CYP3A5: variants seen among roughly 807,000 people sequenced by gnomAD.
CYP3A5 encodes the protein cytochrome P450 family 3 subfamily A member 5, also known as cytochrome P450 3A5.
CYP3A5 carries 51 observed loss-of-function variants against 55.9 expected under a neutral mutation model. The ratio of observed to expected loss-of-function variants is 0.91; its 90% CI spans 0.73 to 1.15. CYP3A5 has a LOEUF of 1.15. CYP3A5 is among the 50% of genes most tolerant of loss of function. CYP3A5 has a pLI of 0.00. For synonymous variants in CYP3A5, 196 were observed against 213.9 expected, an observed-to-expected ratio of 0.92 and a Z score of 0.73; for missense variants, 533 against 596.6, an observed-to-expected ratio of 0.89 and a Z score of 1.11.
At chr7:99,660,338 T>C (rs2151396968) in intron 10 of CYP3A5, 161 bp downstream of exon 10, 1 of 1,313,938 alleles carries the variant, frequency 7.6e-7, no homozygotes, top group Non-Finnish European at 9.7e-7. Flanking sequence ...AACCGTTCTC[T>C]ATGTTTCTCC....
intron 1 of CYP3A5, chr7:99,676,684 G>A (rs1483801016): frequency 8.3e-6 from 5 of 605,518 alleles, no homozygotes; most frequent in Non-Finnish European, 8.6e-6. Flanking sequence ...TGGTGACACT[G>A]CCCTTACAAT....
chr7:99,679,990 G>C lies in CYP3A5; in HGVS notation c.-94C>G, dbSNP rs1382794304. The C allele has an allele frequency of 4.7e-6, 5 of 1,073,526 alleles. No homozygotes were observed. Among genetic ancestry groups the C allele is most frequent in the Non-Finnish European group, 5.8e-6 (4 of 690,322 alleles). The allele number at this position is 1,073,526 out of a possible 1,614,324, so 66.5% of individuals were successfully genotyped here. On this transcript the variant is annotated 5_prime_UTR_variant, in exon 1 of 13. Coordinates refer to ENST00000222982, the MANE Select transcript of CYP3A5 (RefSeq NM_000777.5). ...TGTTTGCCTGGAGCTTCCCTGCCCT[G>C]CACAGCAGTCTTCAGCCAAGCTGCT...
intron 10 of CYP3A5, chr7:99,658,736 G>A (rs1810052285): frequency 6.6e-6 from 1 of 152,004 alleles, no homozygotes; most frequent in Non-Finnish European, 1.5e-5. Context: ...ACGTAGATTT[G>A]GTCTTTTCAC....
At chr7:99,663,436 A>G in intron 8 of CYP3A5, 1 of 990,124 alleles carries the variant, frequency 1.0e-6, no homozygotes, top group Non-Finnish European at 1.2e-6. Context: ...TCGTGAAGGC[A>G]AAGCTGAGTT....
At chr7:99,663,838 G>A (rs1173668261) in intron 8 of CYP3A5, 130 bp downstream of exon 8, 1 of 1,373,190 alleles carries the variant, frequency 7.3e-7, no homozygotes, top group Non-Finnish European at 9.4e-7. Flanking sequence ...TCTACCAAAT[G>A]GCTTCTCTTG....
Position 99,665,162 on chromosome 7 carries a change from A to T in CYP3A5, c.670+4T>A. 2 of 1,602,874 alleles carry T rather than the reference A, an allele frequency of 1.2e-6. No homozygotes were observed. The highest frequency in any genetic ancestry group is 1.7e-6 in the Non-Finnish European group (2 of 1,172,130). On this transcript the variant is annotated splice_donor_region_variant and intron_variant, in intron 7 of 12. Transcript: ENST00000222982. ...AAGAGAGAAAGAAATAATAGCCCAC[A>T]TACTTATTGAGAGAAATAATGGATC...
At chr7:99,669,044 A>G (rs1447218382) in intron 4 of CYP3A5, among the ~76,000 whole-genome samples, 1 of 152,230 alleles carries the variant, frequency 6.6e-6, no homozygotes, top group Non-Finnish European at 1.5e-5. Flanking sequence ...GTTAATTTCC[A>G]TAATAAAAGT....
intron 10 of CYP3A5, among the ~76,000 whole-genome samples, chr7:99,656,409 C>A (rs1485237390): frequency 6.6e-6 from 1 of 152,190 alleles, no homozygotes; most frequent in Non-Finnish European, 1.5e-5. Flanking sequence ...GTTGAACCAG[C>A]CTTGCATCCC....
chr7:99,668,108 AAACAAAATTATTCACATTTCTATGT>A (rs1811218210), intron 4 of CYP3A5, among the ~76,000 whole-genome samples: 1 of 152,228 alleles, frequency 6.6e-6, no homozygotes. Flanking sequence ...CAAGATCAAC[AAACAAAATTATTCACATTTCTATGT>A]AACAATAATC....
rs13233803 is a variant in CYP3A5, at chr7:99,648,330, C to G, written c.1484G>C (p.Arg495Thr). 2.5e-6 allele frequency: 4 copies of G among 1,613,092 alleles called. No homozygotes were observed. The highest frequency in any genetic ancestry group is 3.4e-6 in the Non-Finnish European group (4 of 1,179,328). Residue 495 changes from arginine to threonine, a missense_variant, in exon 13 of 13, where the codon AGA (arginine) becomes ACA (threonine). By Grantham distance (71) the Arg-to-Thr change is moderately conservative (BLOSUM62 -1). Transcript: ENST00000222982. ...TCATTCTCCACTTAGGGTTCCATCT[C>G]TTGAATCCACCTTTAGAACAATGGG... Reference protein sequence around the residue: ...EKPIVLKVDSRDGTLSGE With the variant: ...EKPIVLKVDSTDGTLSGE
intron 10 of CYP3A5, chr7:99,659,130 G>C (rs555764859): frequency 6.6e-6 from 1 of 152,258 alleles, no homozygotes; most frequent in Non-Finnish European, 1.5e-5. Context: ...GCGGAGCTGC[G>C]TTCCTTTGGA....
intron 1 of CYP3A5, chr7:99,677,187 G>A: frequency 3.0e-6 from 3 of 985,402 alleles, no homozygotes; most frequent in Non-Finnish European, 3.6e-6. Context: ...CCAACTGATG[G>A]TTCTGGATCC....
intron 1 of CYP3A5, among the ~76,000 whole-genome samples, chr7:99,678,934 A>G (rs1812553058): frequency 1.3e-5 from 2 of 152,194 alleles, no homozygotes; most frequent in African/African-American, 4.8e-5. Flanking sequence ...GATGCCAGGA[A>G]TCCCACCAGT....
chr7:99,657,272 G>A (rs1179374979), intron 10 of CYP3A5, among the ~76,000 whole-genome samples: 1 of 152,130 alleles, frequency 6.6e-6, no homozygotes, highest in African/African-American at 2.4e-5. Context: ...CAGAGATTCT[G>A]GTATGTTGTG....
chr7:99,679,809 T>C lies in CYP3A5; in HGVS notation c.71+17A>G, dbSNP rs113735665. ...AAGTCCAAGGAAACAAAGAGAGGAG[T>C]TTGGACAGTTACTCACAGATAGAGG... On this transcript the variant is annotated intron_variant, in intron 1 of 12. Coordinates refer to ENST00000222982, the MANE Select transcript of CYP3A5 (RefSeq NM_000777.5). 59 of 1,613,100 alleles carry C rather than the reference T, an allele frequency of 3.7e-5. No homozygotes were observed. The African/African-American group carries it at 4.4e-4, about 12-fold the overall frequency.
Position 99,662,898 on chromosome 7 carries a change from G to T in CYP3A5, c.799-16C>A. On this transcript the variant is annotated splice_polypyrimidine_tract_variant and intron_variant, in intron 8 of 12. Coordinates refer to ENST00000222982, the MANE Select transcript of CYP3A5 (RefSeq NM_000777.5). This position sits in a 1 kb window ranked among gnomAD's most constrained non-coding sequence, Gnocchi z 4.3. ...CTAGTCGGTGCTAGAAGCAAAAGGA[G>T]AGATTTCTTTGGCAGAAAGTGACTC... 2 of 1,613,450 alleles carry T rather than the reference G, an allele frequency of 1.2e-6. No individual in the cohort carries two copies. Among genetic ancestry groups the T allele is most frequent in the African/African-American group, 2.7e-5 (2 of 75,024 alleles).
chr7:99,650,831 T>A (rs1387108432), intron 11 of CYP3A5, among the ~76,000 whole-genome samples: 1 of 152,150 alleles, frequency 6.6e-6, no homozygotes, highest in Non-Finnish European at 1.5e-5. Context: ...CAGGATAGTT[T>A]AAGTCACATA....
rs28383473 is a variant in CYP3A5 at position 99,663,823 on chromosome 7, T to G, written c.798+145A>C. On this transcript the variant is annotated intron_variant, in intron 8 of 12. Coordinates refer to ENST00000222982, the MANE Select transcript of CYP3A5 (RefSeq NM_000777.5). ...TCATCTCCTTCCCCAATCTCCTTCT[T>G]TATTTCTACCAAATGGCTTCTCTTG... 2.7e-3 allele frequency: 3,703 copies of G among 1,355,272 alleles called. 9 individuals are homozygous for G. Among genetic ancestry groups the G allele is most frequent in the Non-Finnish European group, 3.3e-3 (3,461 of 1,057,120 alleles). The allele number at this position is 1,355,272 out of a possible 1,614,324, so 84.0% of individuals were successfully genotyped here. A position where few individuals can be genotyped will look rare whatever the true frequency, so the allele number is the denominator to read the frequency against.
chr7:99,672,708 C>T, intron 3 of CYP3A5, 29 bp from the exon 4 acceptor site: 2 of 1,612,278 alleles, frequency 1.2e-6, no homozygotes, highest in Non-Finnish European at 1.7e-6. Flanking sequence ...GCTGATTAAA[C>T]TTCACTAGCC....
Sources: allele counts gnomAD v4.1 joint callset (sites outside exome capture counted in the v4.1 genomes callset), GRCh38; gene constraint gnomAD v4.1.1; non-coding constraint Gnocchi (gnomAD v3.1); transcripts MANE v1.5; gene names NCBI Gene and HGNC (gene_info 2026-07-23, HGNC 2026-07-21).